Variants in CCDC33 observed in about 807,000 individuals in gnomAD.
The protein encoded by CCDC33 is coiled-coil domain-containing protein 33.
A neutral mutation model predicts 91.9 loss-of-function variants in CCDC33; 94 were observed. That is an observed-to-expected ratio of 1.02 (90% CI 0.87 to 1.21). The LOEUF (loss-of-function observed/expected upper bound fraction) is 1.21. Ranked by LOEUF, CCDC33 falls within the 50% of genes most tolerant of loss-of-function variation. CCDC33 has a pLI of 0.00. For synonymous variants in CCDC33, 396 were observed against 374.5 expected (o/e 1.06, Z -0.66); for missense variants, 940 against 935.5 (o/e 1.00, Z -0.06).
chr15:74,315,140 G>C (rs1412788558), intron 11 of CCDC33, among the ~76,000 whole-genome samples: 1 of 152,250 alleles, frequency 6.6e-6, no homozygotes, highest in African/African-American at 2.4e-5. Context: ...TGTGGGCTCA[G>C]TGGAGGCCGT....
intron 2 of CCDC33, among the ~76,000 whole-genome samples, chr15:74,210,311 A>G (rs910216307): frequency 3.9e-5 from 6 of 152,254 alleles, no homozygotes; most frequent in African/African-American, 1.4e-4. Context: ...ATCAATGCTG[A>G]TAAGTTGACA....
intron 2 of CCDC33, among the ~76,000 whole-genome samples, chr15:74,257,371 C>T (rs184625765): frequency 5.3e-4 from 81 of 152,236 alleles, no homozygotes; most frequent in Non-Finnish European, 5.0e-4. Context: ...TCTGGTGAAG[C>T]GGGGGCGAGA....
intron 15 of CCDC33, among the ~76,000 whole-genome samples, chr15:74,331,798 G>A (rs2060445198): frequency 6.6e-6 from 1 of 152,230 alleles, no homozygotes; most frequent in African/African-American, 2.4e-5. Context: ...GGGAGGCCGA[G>A]GAGGGCAGAT....
At chr15:74,255,114 G>C (rs1452828560) in intron 2 of CCDC33, among the ~76,000 whole-genome samples, 1 of 72,724 alleles carries the variant, frequency 1.4e-5, no homozygotes, top group Non-Finnish European at 4.4e-5. Flanking sequence ...GAAAGCCCCA[G>C]AATCCCTGGA....
At chr15:74,254,603 G>A (rs180713008) in intron 2 of CCDC33, among the ~76,000 whole-genome samples, 15 of 152,056 alleles carry the variant, frequency 9.9e-5, no homozygotes, top group African/African-American at 2.4e-4. Flanking sequence ...TTCTTTCCTC[G>A]CCTCCAGGAC....
intron 7 of CCDC33, among the ~76,000 whole-genome samples, chr15:74,276,616 C>T (rs935261216): frequency 5.3e-5 from 8 of 152,214 alleles, no homozygotes; most frequent in Admixed American, 3.9e-4. Flanking sequence ...TTCCCCTGGG[C>T]CCCCTGTTAC....
chr15:74,268,315 T>C, intron 4 of CCDC33, 27 bp from the exon 5 acceptor site: 1 of 1,534,568 alleles, frequency 6.5e-7, no homozygotes, highest in Non-Finnish European at 9.0e-7. Flanking sequence ...CCTTCCTCTG[T>C]GTCTTCTGCC....
intron 2 of CCDC33, among the ~76,000 whole-genome samples, chr15:74,253,107 A>G (rs2075757322): frequency 6.6e-6 from 1 of 152,182 alleles, no homozygotes; most frequent in Non-Finnish European, 1.5e-5. Flanking sequence ...AATCCTGCAT[A>G]ACAGCCTCAG....
intron 11 of CCDC33, among the ~76,000 whole-genome samples, chr15:74,307,508 T>G (rs117076609): frequency 1.2e-4 from 18 of 151,992 alleles, no homozygotes; most frequent in African/African-American, 4.1e-4. Flanking sequence ...CAACACAGGT[T>G]GGGGGTCTCC....
intron 7 of CCDC33, among the ~76,000 whole-genome samples, chr15:74,277,461 C>G (rs1275827478): frequency 6.6e-6 from 1 of 152,246 alleles, no homozygotes; most frequent in Non-Finnish European, 1.5e-5. Flanking sequence ...GCAGGTCTGC[C>G]TCCATGGCTG....
In CCDC33 at chr15:74,218,950, G is replaced by T. The variant is rs895284925; in HGVS notation, c.675+89G>T. On this transcript the variant is annotated intron_variant, in intron 2 of 2. Transcript: ENST00000635913. The surrounding 1 kb of genome is among the most constrained non-coding windows in gnomAD (Gnocchi z 4.8). ...GATAAGCCAGGCTACCCCCTGTCCT[G>T]AGCTGAGCTGAGCAGAGCAGCAGAG... is the stretch of plus-strand genomic sequence containing the variant. 3 of 1,161,322 alleles carry T rather than the reference G, an allele frequency of 2.6e-6. No individual in the cohort carries two copies. In the African/African-American group the frequency reaches 4.9e-5, roughly 19 times the overall value. The allele number at this position is 1,161,322 out of a possible 1,614,324, so 71.9% of individuals were successfully genotyped here. A position where few individuals can be genotyped will look rare whatever the true frequency, so the allele number is the denominator to read the frequency against.
chr15:74,330,528 A>G, intron 12 of CCDC33, 135 bp from the exon 13 acceptor site: 1 of 1,070,886 alleles, frequency 9.3e-7, no homozygotes, highest in Non-Finnish European at 1.4e-6. Context: ...GGGTCCTCTC[A>G]GGGATGGGAA....
chr15:74,219,983 G>A (rs898177709), intron 2 of CCDC33, among the ~76,000 whole-genome samples: 2 of 152,196 alleles, frequency 1.3e-5, no homozygotes, highest in Admixed American at 1.3e-4. Context: ...GTGCTGAAGT[G>A]GAGCCCAGGT....
At chr15:74,315,850 G>T (rs995399336) in intron 11 of CCDC33, among the ~76,000 whole-genome samples, 5 of 152,118 alleles carry the variant, frequency 3.3e-5, no homozygotes, top group African/African-American at 1.2e-4. Flanking sequence ...AAGTGTGGAG[G>T]GGGAGGGGGA....
chr15:74,280,827 C>A, intron 9 of CCDC33, 26 bp downstream of exon 9: 2 of 1,440,120 alleles, frequency 1.4e-6, no homozygotes, highest in East Asian at 2.7e-5. Context: ...TGAACTGGGC[C>A]CCTAGCGTGC....
At chr15:74,270,892 C>T (rs965544459) in intron 5 of CCDC33, among the ~76,000 whole-genome samples, 1 of 152,102 alleles carries the variant, frequency 6.6e-6, no homozygotes, top group Non-Finnish European at 1.5e-5. Context: ...CCAATAGAAG[C>T]CTGGAGTAGA....
chr15:74,287,291 G>A (rs888766806), intron 10 of CCDC33, among the ~76,000 whole-genome samples: 3 of 152,104 alleles, frequency 2.0e-5, no homozygotes, highest in African/African-American at 7.2e-5. Flanking sequence ...ACTACCATAA[G>A]GATGGATCCA....
intron 11 of CCDC33, among the ~76,000 whole-genome samples, chr15:74,327,441 C>G (rs2060332728): frequency 6.6e-6 from 1 of 152,080 alleles, no homozygotes; most frequent in Non-Finnish European, 1.5e-5. Flanking sequence ...TCGAGACTAG[C>G]CTGACCAACA....
intron 11 of CCDC33, among the ~76,000 whole-genome samples, chr15:74,327,405 C>A (rs990069010): frequency 5.3e-5 from 8 of 152,114 alleles, no homozygotes; most frequent in Non-Finnish European, 1.5e-5. Flanking sequence ...GAGGCTGAGG[C>A]GGGCAGATTA....
Sources: allele counts gnomAD v4.1 joint callset (sites outside exome capture counted in the v4.1 genomes callset), GRCh38; gene constraint gnomAD v4.1.1; non-coding constraint Gnocchi (gnomAD v3.1); transcripts MANE v1.5; gene names NCBI Gene and HGNC (gene_info 2026-07-23, HGNC 2026-07-21).